BABAM2: variants seen among roughly 807,000 people sequenced by gnomAD.
BABAM2 encodes BRISC and BRCA1 A complex member 2, also known as BRISC and BRCA1-A complex member 2.
Under a neutral mutation model 54.7 loss-of-function variants are expected in BABAM2, and 31 were observed. The observed-to-expected ratio is 0.57, with a 90% confidence interval of 0.43 to 0.77. The LOEUF (loss-of-function observed/expected upper bound fraction) is 0.77. Among genes scored for constraint, BABAM2 ranks in the 30% least tolerant of loss-of-function variants. The pLI, the probability that BABAM2 is intolerant of heterozygous loss-of-function variation, is 0.00. For synonymous variants in BABAM2, 167 were observed against 162.9 expected, an observed-to-expected ratio of 1.03 and a Z score of -0.19; for missense variants, 364 against 455.8, an observed-to-expected ratio of 0.80 and a Z score of 1.83.
intron 6 of BABAM2, among the ~76,000 whole-genome samples, chr2:28,070,556 C>CTTTTTTT (rs35933472): frequency 6.8e-6 from 1 of 147,236 alleles, no homozygotes; most frequent in African/African-American, 2.5e-5. Flanking sequence ...CTTTTCTTTT[C>CTTTTTTT]TTTTTTTTTT....
chr2:28,061,224 A>G (rs1053650276), intron 6 of BABAM2, among the ~76,000 whole-genome samples: 5 of 152,178 alleles, frequency 3.3e-5, no homozygotes, highest in Non-Finnish European at 7.3e-5. Flanking sequence ...GCAAAAGGCA[A>G]TTCAGAGAAG....
At chr2:28,044,931 T>A (rs568808931) in intron 5 of BABAM2, among the ~76,000 whole-genome samples, 1 of 152,016 alleles carries the variant, frequency 6.6e-6, no homozygotes, top group Admixed American at 6.6e-5. Flanking sequence ...GCAGAGGTTC[T>A]CTAGCACCTC....
chr2:27,904,071 G>A (rs1019283468), intron 2 of BABAM2, among the ~76,000 whole-genome samples: 1 of 152,174 alleles, frequency 6.6e-6, no homozygotes, highest in Non-Finnish European at 1.5e-5. Context: ...AGTGACTAAC[G>A]GGTGGGTAGT....
At chr2:28,175,764 G>A (rs373626151) in intron 7 of BABAM2, among the ~76,000 whole-genome samples, 2 of 152,200 alleles carry the variant, frequency 1.3e-5, no homozygotes, top group Admixed American at 6.5e-5. Context: ...AGCAAGCCAC[G>A]TGGAAACCCA....
intron 3 of BABAM2, among the ~76,000 whole-genome samples, chr2:27,969,593 G>A (rs1671060292): frequency 6.6e-6 from 1 of 152,156 alleles, no homozygotes; most frequent in Admixed American, 6.5e-5. Context: ...TTCTAGGCCA[G>A]GTAATGCCCT....
chr2:28,337,611 C>T (rs1160361171), intron 11 of BABAM2, among the ~76,000 whole-genome samples: 1 of 152,248 alleles, frequency 6.6e-6, no homozygotes. Flanking sequence ...GAAATGTTCT[C>T]TTAACACCCA....
At chr2:28,318,820 G>A (rs1244692115) in intron 11 of BABAM2, among the ~76,000 whole-genome samples, 1 of 152,186 alleles carries the variant, frequency 6.6e-6, no homozygotes, top group African/African-American at 2.4e-5. Flanking sequence ...ATGGTTTGAG[G>A]TGGGACACCC....
chr2:28,281,534 G>A (rs1686360449), intron 10 of BABAM2, among the ~76,000 whole-genome samples: 1 of 152,190 alleles, frequency 6.6e-6, no homozygotes, highest in Non-Finnish European at 1.5e-5. Flanking sequence ...AGAGATGGAA[G>A]CAGCAGAATG....
At chr2:28,030,960 A>G (rs966104279) in intron 5 of BABAM2, among the ~76,000 whole-genome samples, 3 of 152,200 alleles carry the variant, frequency 2.0e-5, no homozygotes, top group African/African-American at 7.2e-5. Context: ...AAGCAGAAAG[A>G]TCCTAGAAGA....
chr2:28,061,715 T>A (rs1370591330), intron 6 of BABAM2, among the ~76,000 whole-genome samples: 1 of 151,874 alleles, frequency 6.6e-6, no homozygotes, highest in East Asian at 1.9e-4. Context: ...ATTATAGACC[T>A]AAAAGTAAAA....
Position 28,309,988 on chromosome 2 carries a change from A to G in BABAM2, c.1088+11497A>G, listed in dbSNP as rs751998056. 4.7e-5 allele frequency: 64 copies of G among 1,373,594 alleles called. No homozygotes were observed. In the Middle Eastern group the frequency reaches 5.6e-4, roughly 12 times the overall value. 85.1% of individuals were successfully genotyped at this position (1,373,594 alleles called of 1,614,324 possible). A position where few individuals can be genotyped will look rare whatever the true frequency, so the allele number is the denominator to read the frequency against. On this transcript the variant is annotated intron_variant, in intron 11 of 11. Coordinates refer to ENST00000379624, the MANE Select transcript of BABAM2 (RefSeq NM_199191.3). ...GGGGTTTAGAAGTAGAGCTGTGAAGAGAAAAGCAAATCATATAAATAACGT... is the reference window on the plus strand; with the variant it reads ...GGGGTTTAGAAGTAGAGCTGTGAAGGGAAAAGCAAATCATATAAATAACGT...
intron 3 of BABAM2, among the ~76,000 whole-genome samples, chr2:27,933,836 A>G (rs1668294207): frequency 2.1e-5 from 3 of 145,744 alleles, no homozygotes; most frequent in African/African-American, 7.8e-5. Context: ...TCCTGGGCTC[A>G]AGTGTTCTTC....
chr2:28,238,125 C>T (rs1682085893), intron 8 of BABAM2, among the ~76,000 whole-genome samples: 1 of 152,212 alleles, frequency 6.6e-6, no homozygotes, highest in African/African-American at 2.4e-5. Context: ...GCTGGGATTA[C>T]AGGCGTGAGC....
chr2:27,928,282 G>A (rs1420692460), intron 2 of BABAM2, among the ~76,000 whole-genome samples: 1 of 152,088 alleles, frequency 6.6e-6, no homozygotes. Flanking sequence ...CCAAAGGGCT[G>A]GGATTACAGA....
At chr2:28,034,102 T>C (rs1247254320) in intron 5 of BABAM2, among the ~76,000 whole-genome samples, 1 of 152,198 alleles carries the variant, frequency 6.6e-6, no homozygotes, top group Admixed American at 6.5e-5. Context: ...TCACTTGAGT[T>C]AATGTCTTAA....
chr2:27,985,057 A>ATTG (rs369150029), intron 3 of BABAM2, among the ~76,000 whole-genome samples: 4 of 137,410 alleles, frequency 2.9e-5, no homozygotes, highest in Admixed American at 2.2e-4. Context: ...GTATTCCATG[A>ATTG]TGTGTGTGTG....
At chr2:28,030,256 A>G (rs1676196370) in intron 5 of BABAM2, among the ~76,000 whole-genome samples, 1 of 152,192 alleles carries the variant, frequency 6.6e-6, no homozygotes, top group Admixed American at 6.5e-5. Context: ...TTGTATTTAT[A>G]GTATTTTTTA....
intron 11 of BABAM2, among the ~76,000 whole-genome samples, chr2:28,318,268 AAAC>A (rs141812988): frequency 0.044 from 6,735 of 152,212 alleles, 260 homozygotes; most frequent in African/African-American, 0.11. Context: ...AGGGTTGGGC[AAAC>A]AACAGCCTGA....
intron 10 of BABAM2, among the ~76,000 whole-genome samples, chr2:28,275,078 G>A (rs760792459): frequency 8.5e-5 from 13 of 152,154 alleles, no homozygotes; most frequent in Non-Finnish European, 1.2e-4. Flanking sequence ...CTCTGCCTTC[G>A]TTGGAGTCAG....
Sources: gnomAD v4.1 joint callset for allele counts (sites outside exome capture counted in the v4.1 genomes callset) on GRCh38, gnomAD v4.1.1 for gene constraint, MANE v1.5 for transcripts, NCBI Gene and HGNC (gene_info 2026-07-23, HGNC 2026-07-21) for gene names.